DNAJC5: variants seen among roughly 807,000 people sequenced by gnomAD.
DNAJC5 encodes the protein dnaJ homolog subfamily C member 5.
DNAJC5 carries 1 observed loss-of-function variant against 23.2 expected under a neutral mutation model. The ratio of observed to expected loss-of-function variants is 0.04; its 90% CI spans 0.02 to 0.20. DNAJC5 has a LOEUF of 0.20. Among genes scored for constraint, DNAJC5 ranks in the 10% least tolerant of loss-of-function variants. The pLI, the probability that DNAJC5 is intolerant of heterozygous loss-of-function variation, is 1.00. For missense variants in DNAJC5, 180 were observed against 267.0 expected, an observed-to-expected ratio of 0.67 and a Z score of 2.27; for synonymous variants, 136 against 120.0, an observed-to-expected ratio of 1.13 and a Z score of -0.87.
intron 1 of DNAJC5, among the ~76,000 whole-genome samples, chr20:63,914,296 A>G (rs1447999603): frequency 6.6e-6 from 1 of 152,210 alleles, no homozygotes; most frequent in African/African-American, 2.4e-5. Context: ...ATTATCTATG[A>G]TGTGGTTAGA....
intron 1 of DNAJC5, among the ~76,000 whole-genome samples, chr20:63,927,662 T>G (rs921906461): frequency 6.6e-6 from 1 of 152,236 alleles, no homozygotes; most frequent in African/African-American, 2.4e-5. Context: ...TTTTGGTCTG[T>G]TCTGTCGATT....
chr20:63,916,395 G>A (rs1374287261), intron 1 of DNAJC5, among the ~76,000 whole-genome samples: 1 of 152,188 alleles, frequency 6.6e-6, no homozygotes, highest in Non-Finnish European at 1.5e-5. Context: ...GTAGGGCCGC[G>A]ATGCCCGCCT....
chr20:63,916,432 A>G lies in DNAJC5; in HGVS notation c.-11-11903A>G, dbSNP rs2053515964. On this transcript the variant is annotated intron_variant, in intron 1 of 4. Transcript: ENST00000360864. ...AGCCACAAAACAAGCAAGTTTTATT[A>G]AGGATTTCAGAAGGGGAGGGGGTGC... is the stretch of plus-strand genomic sequence containing the variant. 2.0e-5 allele frequency among the ~76,000 whole-genome samples: 3 copies of G among 152,344 alleles called. No individual in the cohort carries two copies. In the South Asian group the frequency reaches 6.2e-4, roughly 32 times the overall value.
chr20:63,912,013 G>C (rs183273188), intron 1 of DNAJC5, among the ~76,000 whole-genome samples: 1 of 152,150 alleles, frequency 6.6e-6, no homozygotes, highest in East Asian at 1.9e-4. Flanking sequence ...TTTTAAGTTA[G>C]GAGGAAAGGC....
Position 63,928,485 on chromosome 20 carries a change from CAGGAAGA to C in DNAJC5, c.107+34_107+40del. ...GACAAGTGTGGCCCCCACATCCCCC[CAGGAAGA>C]CACACATGCCCCGTGTGGTTTAGTC... On this transcript the variant is annotated intron_variant, in intron 2 of 4. Transcript: ENST00000360864. The surrounding 1 kb of genome is among the most constrained non-coding windows in gnomAD (Gnocchi z 4.6). The C allele has an allele frequency of 6.4e-7, 1 of 1,551,384 alleles. No homozygotes were observed. The highest frequency in any genetic ancestry group is 8.9e-7 in the Non-Finnish European group (1 of 1,123,208).
intron 1 of DNAJC5, among the ~76,000 whole-genome samples, chr20:63,915,029 C>T (rs1299515752): frequency 2.0e-5 from 3 of 152,156 alleles, no homozygotes; most frequent in East Asian, 1.9e-4. Flanking sequence ...AGGCCTCCTG[C>T]GTGGAGGTTT....
At chr20:63,900,991 G>A (rs1006016165) in intron 1 of DNAJC5, among the ~76,000 whole-genome samples, 2 of 152,226 alleles carry the variant, frequency 1.3e-5, no homozygotes, top group African/African-American at 4.8e-5. Flanking sequence ...TTGAGACGGA[G>A]TCTCGCTCTG....
In DNAJC5 at chr20:63,931,771, G is replaced by C. The variant is rs1320632353; in HGVS notation, c.*203G>C. The C allele has an allele frequency of 1.6e-6, 1 of 624,822 alleles. No homozygotes were observed. Among genetic ancestry groups the C allele is most frequent in the Admixed American group, 2.6e-5 (1 of 38,222 alleles). The allele number at this position is 624,822 out of a possible 1,614,324, so 38.7% of individuals were successfully genotyped here. ...GCAGTATTTAAAGCAGTGTAGCTAC[G>C]GTCTTCTGTTTTTTTCCCTTTTTTA... On this transcript the variant is annotated 3_prime_UTR_variant, in exon 5 of 5. Transcript: ENST00000360864. The surrounding 1 kb of genome is among the most constrained non-coding windows in gnomAD (Gnocchi z 9.6).
At chr20:63,907,243 G>A (rs2053453892) in intron 1 of DNAJC5, among the ~76,000 whole-genome samples, 1 of 152,186 alleles carries the variant, frequency 6.6e-6, no homozygotes, top group South Asian at 2.1e-4. Context: ...ACGATGTACG[G>A]TGCTTGGGAG....
At chr20:63,919,378 G>A (rs2053543791) in intron 1 of DNAJC5, 4 of 515,610 alleles carry the variant, frequency 7.8e-6, no homozygotes, top group Non-Finnish European at 1.5e-5. Context: ...TCCGGGGAGA[G>A]GACGCACCCG....
At position 63,931,252 on chromosome 20, in the gene DNAJC5, G is replaced by A. The variant is rs893052685; in HGVS notation, c.494-213G>A. 7.7e-5 allele frequency: 60 copies of A among 779,234 alleles called. No individual in the cohort carries two copies. Among genetic ancestry groups the A allele is most frequent in the Non-Finnish European group, 1.1e-4 (49 of 459,116 alleles). 48.3% of individuals were successfully genotyped at this position (779,234 alleles called of 1,614,324 possible). On this transcript the variant is annotated intron_variant, in intron 4 of 4. Transcript: ENST00000360864. This position sits in a 1 kb window ranked among gnomAD's most constrained non-coding sequence, Gnocchi z 9.6. ...CCGTAGATCCCAGGGACTGCGAGGC[G>A]GGGCAGGGCGGCAGGCAGTTGGGGC...
chr20:63,901,282 T>C (rs2053409579), intron 1 of DNAJC5, among the ~76,000 whole-genome samples: 1 of 152,248 alleles, frequency 6.6e-6, no homozygotes, highest in East Asian at 1.9e-4. Context: ...TGAGGCATTC[T>C]GTGCCTGTTA....
intron 1 of DNAJC5, among the ~76,000 whole-genome samples, chr20:63,918,727 T>C (rs1373818190): frequency 6.6e-6 from 1 of 152,192 alleles, no homozygotes; most frequent in Non-Finnish European, 1.5e-5. Flanking sequence ...CCCGAGTAGC[T>C]GGGACTACAG....
At chr20:63,910,839 A>C (rs540902197) in intron 1 of DNAJC5, among the ~76,000 whole-genome samples, 1 of 151,728 alleles carries the variant, frequency 6.6e-6, no homozygotes, top group Non-Finnish European at 1.5e-5. Context: ...CACCCGGCTA[A>C]TTTTTGTATT....
chr20:63,903,647 T>A lies in DNAJC5; in HGVS notation c.-12+8324T>A, dbSNP rs531724535. 5.9e-5 allele frequency among the ~76,000 whole-genome samples: 9 copies of A among 152,202 alleles called. No individual in the cohort carries two copies. The South Asian group carries it at 1.7e-3, about 28-fold the overall frequency. On this transcript the variant is annotated intron_variant, in intron 1 of 4. Coordinates refer to ENST00000360864, the MANE Select transcript of DNAJC5 (RefSeq NM_025219.3). ...ATAAGGCTCTTCGTATAGAAATTTT[T>A]AAAAAATTAAAAACATTTTTGGCCA...
chr20:63,910,435 C>T lies in DNAJC5; in HGVS notation c.-12+15112C>T, dbSNP rs533413806. ...GCGAGTGCCTGTAGTCCCAGCTACT[C>T]GGGAGGCTGAGGCAGGAGAATGGCG... On this transcript the variant is annotated intron_variant, in intron 1 of 4. Coordinates refer to ENST00000360864, the MANE Select transcript of DNAJC5 (RefSeq NM_025219.3). 9.4e-4 allele frequency among the ~76,000 whole-genome samples: 143 copies of T among 151,730 alleles called. 1 individual carries two copies. The highest frequency in any genetic ancestry group is 1.6e-3 in the African/African-American group (67 of 41,412).
chr20:63,920,792 C>G lies in DNAJC5; in HGVS notation c.-11-7543C>G, dbSNP rs905305387. ...TCGAGGGTTCAAGCGATTCTCCTGC[C>G]TCAGCCTCCTGAGTAGCTGGGATTA... On this transcript the variant is annotated intron_variant, in intron 1 of 4. Transcript: ENST00000360864. The surrounding 1 kb of genome is among the most constrained non-coding windows in gnomAD (Gnocchi z 4.6). 6.6e-6 allele frequency among the ~76,000 whole-genome samples: 1 copy of G among 152,158 alleles called. No homozygotes were observed. The highest frequency in any genetic ancestry group is 1.9e-4 in the East Asian group (1 of 5,180).
intron 1 of DNAJC5, among the ~76,000 whole-genome samples, chr20:63,921,767 C>T (rs2053575133): frequency 6.6e-6 from 1 of 152,006 alleles, no homozygotes; most frequent in African/African-American, 2.4e-5. Context: ...TTTCTGTTGA[C>T]ATGGGATCCC....
rs1274527898 is a variant in DNAJC5 at position 63,931,619 on chromosome 20, C to T, written c.*51C>T. On this transcript the variant is annotated 3_prime_UTR_variant, in exon 5 of 5. Transcript: ENST00000360864. This position sits in a 1 kb window ranked among gnomAD's most constrained non-coding sequence, Gnocchi z 9.6. The stretch of plus-strand genomic sequence containing the variant: ...AGGAGCCGGCGCCTGGCCACGCCAA[C>T]CTTAGAATCATGAACTGTAGTCACA... The T allele has an allele frequency of 2.0e-6, 3 of 1,492,350 alleles. No individual in the cohort carries two copies. The highest frequency in any genetic ancestry group is 2.7e-6 in the Non-Finnish European group (3 of 1,104,844). 92.4% of individuals were successfully genotyped at this position (1,492,350 alleles called of 1,614,324 possible).
Sources: gnomAD v4.1 joint callset for allele counts (sites outside exome capture counted in the v4.1 genomes callset) on GRCh38, gnomAD v4.1.1 for gene constraint, Gnocchi (gnomAD v3.1) non-coding constraint, MANE v1.5 for transcripts, NCBI Gene and HGNC (gene_info 2026-07-23, HGNC 2026-07-21) for gene names.